The following DENND1B variants were observed in gnomAD, a reference collection of about 807,000 sequenced individuals.
DENND1B encodes the protein DENN domain-containing protein 1B.
Under a neutral mutation model 90.1 loss-of-function variants are expected in DENND1B, and 59 were observed. The observed-to-expected ratio is 0.65, with a 90% CI of 0.53 to 0.81. The LOEUF is 0.81. Among genes scored for constraint, DENND1B ranks in the 40% least tolerant of loss-of-function variants. The pLI, the probability that DENND1B is intolerant of heterozygous loss-of-function variation, is 0.00. For missense variants in DENND1B, 862 were observed against 912.6 expected (o/e 0.94, Z 0.71); for synonymous variants, 337 against 324.6 (o/e 1.04, Z -0.41).
rs140468398 is a variant in DENND1B at position 197,545,939 on chromosome 1, G to T, written c.1333C>A (p.Arg445=). The T allele has an allele frequency of 1.2e-6, 2 of 1,605,012 alleles. No individual in the cohort carries two copies. Among genetic ancestry groups the T allele is most frequent in the East Asian group, 2.2e-5 (1 of 44,584 alleles). Residue 445 remains arginine, a synonymous_variant, in exon 18 of 23, where the codon CGG becomes AGG. Coordinates refer to ENST00000620048, the MANE Select transcript of DENND1B (RefSeq NM_001195215.2). ...AAACTTACAAATTTATATGCTGTCCGTACAGCAGGGGTTGCTTTGGTCATT... is the reference window on the plus strand; with the variant it reads ...AAACTTACAAATTTATATGCTGTCCTTACAGCAGGGGTTGCTTTGGTCATT... ...TAMTKATPAV[R]TAYKFAKNHA... is the part of the protein sequence containing the mutation.
chr1:197,675,345 G>A (rs552615660), intron 3 of DENND1B, among the ~76,000 whole-genome samples: 2 of 152,044 alleles, frequency 1.3e-5, no homozygotes, highest in South Asian at 4.1e-4. Flanking sequence ...ACAATAAAGT[G>A]TCAACTAAAA....
At chr1:197,518,731 G>T (rs1668569861) in intron 20 of DENND1B, among the ~76,000 whole-genome samples, 1 of 151,814 alleles carries the variant, frequency 6.6e-6, no homozygotes, top group Non-Finnish European at 1.5e-5. Context: ...GGCTTAAATG[G>T]TTAATTAGCT....
intron 15 of DENND1B, 44 bp from the exon 16 acceptor site, chr1:197,553,156 T>A (rs1421863260): frequency 1.4e-6 from 2 of 1,427,044 alleles, no homozygotes; most frequent in African/African-American, 2.9e-5. Flanking sequence ...AATAAAATGT[T>A]ATCCAATAAA....
chr1:197,729,133 C>T (rs1260432483), intron 2 of DENND1B, among the ~76,000 whole-genome samples: 1 of 152,148 alleles, frequency 6.6e-6, no homozygotes, highest in Non-Finnish European at 1.5e-5. Context: ...AATACTACAA[C>T]CACACAGACT....
At chr1:197,618,004 G>A (rs1054419111) in intron 10 of DENND1B, among the ~76,000 whole-genome samples, 6 of 151,028 alleles carry the variant, frequency 4.0e-5, no homozygotes, top group African/African-American at 7.3e-5. Context: ...TGAAAATACC[G>A]AGTTTGGGAT....
intron 20 of DENND1B, among the ~76,000 whole-genome samples, chr1:197,520,713 T>C (rs766485817): frequency 5.9e-5 from 9 of 151,868 alleles, no homozygotes; most frequent in Non-Finnish European, 1.3e-4. Context: ...AAATACATCA[T>C]GAGAAAACAA....
At chr1:197,669,924 G>A (rs1236130871) in intron 5 of DENND1B, among the ~76,000 whole-genome samples, 1 of 151,954 alleles carries the variant, frequency 6.6e-6, no homozygotes, top group East Asian at 1.9e-4. Context: ...ATTTTCTGCA[G>A]GTTAAAAACT....
chr1:197,773,828 T>C (rs1199717627), intron 1 of DENND1B, among the ~76,000 whole-genome samples: 1 of 152,362 alleles, frequency 6.6e-6, no homozygotes, highest in Admixed American at 6.5e-5. Flanking sequence ...TTAAGTCTGT[T>C]ACCACAACGG....
chr1:197,691,662 T>G (rs1432630338), intron 3 of DENND1B, among the ~76,000 whole-genome samples: 1 of 152,076 alleles, frequency 6.6e-6, no homozygotes, highest in Non-Finnish European at 1.5e-5. Flanking sequence ...CTCTTCCATG[T>G]TCTCTGTAGC....
intron 11 of DENND1B, among the ~76,000 whole-genome samples, chr1:197,616,276 T>C (rs1183309810): frequency 6.6e-6 from 1 of 151,102 alleles, no homozygotes. Flanking sequence ...AAAGATCTAC[T>C]GCATATGTCA....
At chr1:197,738,495 T>C (rs1198986659) in intron 2 of DENND1B, among the ~76,000 whole-genome samples, 2 of 152,332 alleles carry the variant, frequency 1.3e-5, no homozygotes, top group South Asian at 2.1e-4. Context: ...TTCTTTCTCA[T>C]AGAAGACTTG....
intron 3 of DENND1B, among the ~76,000 whole-genome samples, chr1:197,704,906 C>CA (rs1354688007): frequency 6.6e-6 from 1 of 152,028 alleles, no homozygotes; most frequent in Non-Finnish European, 1.5e-5. Flanking sequence ...AACATGTCTT[C>CA]AAATCTTAGC....
chr1:197,733,097 T>C (rs748395464), intron 2 of DENND1B, among the ~76,000 whole-genome samples: 167 of 152,196 alleles, frequency 1.1e-3, no homozygotes, highest in Admixed American at 3.3e-3. Context: ...AGGATCAAGA[T>C]TTTGTACTCA....
At chr1:197,545,052 A>AAGGAGAAGGAGAAGGAGAAGG (rs77114737) in intron 18 of DENND1B, among the ~76,000 whole-genome samples, 3,545 of 124,818 alleles carry the variant, frequency 0.028, 151 homozygotes, top group African/African-American at 0.079. Flanking sequence ...GGAGAAGGAG[A>AAGGAGAAGGAGAAGGAGAAGG]AGAAGAAGAA....
At chr1:197,731,325 C>T (rs1351117333) in intron 2 of DENND1B, among the ~76,000 whole-genome samples, 1 of 152,000 alleles carries the variant, frequency 6.6e-6, no homozygotes, top group African/African-American at 2.4e-5. Flanking sequence ...AATTCATGAC[C>T]TCAGACCAAA....
At chr1:197,688,516 T>C (rs755921706) in intron 3 of DENND1B, among the ~76,000 whole-genome samples, 2 of 151,896 alleles carry the variant, frequency 1.3e-5, no homozygotes, top group Non-Finnish European at 2.9e-5. Context: ...AATAAACCCA[T>C]GCAAATATGT....
At chr1:197,760,652 A>AG (rs1388027838) in intron 2 of DENND1B, among the ~76,000 whole-genome samples, 6 of 151,976 alleles carry the variant, frequency 3.9e-5, no homozygotes, top group Non-Finnish European at 7.4e-5. Context: ...AAAAAAAAAA[A>AG]AAAAAAAATT....
At chr1:197,574,776 G>A (rs563734820) in intron 15 of DENND1B, among the ~76,000 whole-genome samples, 1 of 152,252 alleles carries the variant, frequency 6.6e-6, no homozygotes, top group South Asian at 2.1e-4. Context: ...AGAGCCCTCA[G>A]AAATAACACC....
chr1:197,667,668 G>A (rs1002772925), intron 5 of DENND1B, among the ~76,000 whole-genome samples: 22 of 152,078 alleles, frequency 1.4e-4, no homozygotes, highest in African/African-American at 3.6e-4. Flanking sequence ...CAAAGCACTC[G>A]GATTACAGGC....
Sources: allele counts gnomAD v4.1 joint callset (sites outside exome capture counted in the v4.1 genomes callset), GRCh38; gene constraint gnomAD v4.1.1; transcripts MANE v1.5; gene names NCBI Gene and HGNC (gene_info 2026-07-23, HGNC 2026-07-21).